The following CTSZ variants were observed in gnomAD, a reference collection of about 807,000 sequenced individuals.
CTSZ encodes carboxypeptidase LB.
CTSZ carries 39 observed loss-of-function variants against 32.4 expected under a neutral mutation model. The ratio of observed to expected loss-of-function variants is 1.20; its 90% CI spans 0.93 to 1.57. CTSZ has a LOEUF of 1.57. Among genes scored for constraint, CTSZ ranks in the 40% most tolerant of loss-of-function variants. CTSZ has a pLI of 0.00. For synonymous variants in CTSZ, 168 were observed against 170.1 expected (o/e 0.99, Z 0.10); for missense variants, 397 against 419.6 (o/e 0.95, Z 0.47).
At chr20:59,000,671 C>T (rs1442659559) in intron 3 of CTSZ, among the ~76,000 whole-genome samples, 1 of 152,074 alleles carries the variant, frequency 6.6e-6, no homozygotes, top group Non-Finnish European at 1.5e-5. Flanking sequence ...ATGAACTCTC[C>T]CTCCACAAGG....
At chr20:59,003,999 G>T (rs1011919486) in intron 2 of CTSZ, among the ~76,000 whole-genome samples, 1 of 152,218 alleles carries the variant, frequency 6.6e-6, no homozygotes, top group Non-Finnish European at 1.5e-5. Flanking sequence ...CCTGGAGGAG[G>T]CGGTGGGCGG....
Position 59,002,864 on chromosome 20 carries a change from C to T in CTSZ, c.308-1220G>A, listed in dbSNP as rs749067178. Among the ~76,000 whole-genome samples, 9 of 152,056 alleles carry T rather than the reference C, an allele frequency of 5.9e-5. No homozygotes were observed. Among genetic ancestry groups the T allele is most frequent in the Admixed American group, 3.9e-4 (6 of 15,272 alleles). On this transcript the variant is annotated intron_variant, in intron 2 of 5. Transcript: ENST00000217131. This position sits in a 1 kb window ranked among gnomAD's most constrained non-coding sequence, Gnocchi z 4.1. ...GGCTCCCTCCAGCTTTCCTTCTCCC[C>T]GCTCCCTTGTCAGCTATGCCCCCTC...
At chr20:58,995,834 C>CCCCTGCT in intron 5 of CTSZ, 75 bp from the exon 6 acceptor site, 1 of 1,337,990 alleles carries the variant, frequency 7.5e-7, no homozygotes, top group Non-Finnish European at 1.1e-6. Flanking sequence ...AGCCCCCTGC[C>CCCCTGCT]CCCTGCTTTC....
chr20:59,000,379 A>T (rs2091883931), intron 3 of CTSZ, among the ~76,000 whole-genome samples: 1 of 152,254 alleles, frequency 6.6e-6, no homozygotes. Context: ...ACTCCCTCTC[A>T]AAAACAAACA....
At position 59,007,139 on chromosome 20, in the gene CTSZ, C is replaced by A; in HGVS notation, c.-11G>T. The A allele has an allele frequency of 7.4e-7, 1 of 1,350,982 alleles. No individual in the cohort carries two copies. The allele number at this position is 1,350,982 out of a possible 1,614,324, so 83.7% of individuals were successfully genotyped here. ...CCCGCGCCTCGCCATGGCCCCGCGC[C>A]GGCTCCTGGGTCCCGCTCCGGATCC... On this transcript the variant is annotated 5_prime_UTR_variant, in exon 1 of 6. Transcript: ENST00000217131.
intron 3 of CTSZ, 50 bp from the exon 4 acceptor site, chr20:58,997,803 A>T: frequency 6.6e-7 from 1 of 1,504,444 alleles, no homozygotes; most frequent in Non-Finnish European, 8.9e-7. Flanking sequence ...TCATCAACCC[A>T]CTGACAAAGA....
intron 1 of CTSZ, 144 bp downstream of exon 1, chr20:59,006,842 A>G (rs2091910423): frequency 2.8e-6 from 2 of 721,520 alleles, no homozygotes; most frequent in Admixed American, 7.9e-5. Flanking sequence ...TGTGGAAGAG[A>G]AGGAGCGACC....
At chr20:58,995,932 C>G (rs2091857488) in intron 5 of CTSZ, among the ~76,000 whole-genome samples, 173 bp from the exon 6 acceptor site, 1 of 152,182 alleles carries the variant, frequency 6.6e-6, no homozygotes, top group African/African-American at 2.4e-5. Context: ...TTCTGAAATA[C>G]CTTTTGTGAA....
In CTSZ at chr20:58,995,722, T is replaced by G. The variant is rs575953808; in HGVS notation, c.839A>C (p.Tyr280Ser). The G allele has an allele frequency of 4.3e-6, 7 of 1,614,178 alleles. No individual in the cohort carries two copies. The South Asian group carries it at 7.7e-5, about 18-fold the overall frequency. ...RGWLRIVTST[Y>S]KDGKGARYNL... ...GTATCTGGCGCCCTTCCCATCCTTA[T>G]AGGTGCTGGTCACGATCCTCAGCCA... The change falls in exon 6 of 6, where the codon TAT (tyrosine) becomes TCT (serine). Residue 280 changes from tyrosine to serine, a missense_variant. By Grantham distance (144) the Tyr-to-Ser change is moderately radical (BLOSUM62 -2). Transcript: ENST00000217131.
chr20:59,003,192 C>T (rs163799), intron 2 of CTSZ, among the ~76,000 whole-genome samples: 61,864 of 152,082 alleles, frequency 0.41, 13,040 homozygotes, highest in East Asian at 0.62. Flanking sequence ...GGCCTGCCCC[C>T]GAGCCCTATC....
chr20:59,001,769 C>T (rs1057508524), intron 2 of CTSZ, 125 bp from the exon 3 acceptor site: 9 of 902,320 alleles, frequency 1.0e-5, no homozygotes, highest in African/African-American at 8.3e-5. Flanking sequence ...CTCTGCCCAG[C>T]TGCCTGTGTC....
At chr20:59,003,042 T>A (rs1278870066) in intron 2 of CTSZ, among the ~76,000 whole-genome samples, 2 of 152,116 alleles carry the variant, frequency 1.3e-5, no homozygotes. Flanking sequence ...GCCCTTTCTC[T>A]CTTGCTAAAG....
intron 5 of CTSZ, among the ~76,000 whole-genome samples, chr20:58,996,027 G>T (rs187318649): frequency 2.1e-4 from 32 of 152,134 alleles, no homozygotes; most frequent in Non-Finnish European, 4.1e-4. Context: ...CTCTAGACTG[G>T]TGCCTCCTCC....
Position 59,002,120 on chromosome 20 carries a change from G to C in CTSZ, c.308-476C>G, listed in dbSNP as rs899800806. Among the ~76,000 whole-genome samples, 12 of 152,258 alleles carry C rather than the reference G, an allele frequency of 7.9e-5. No individual in the cohort carries two copies. The highest frequency in any genetic ancestry group is 2.7e-4 in the African/African-American group (11 of 41,472). On this transcript the variant is annotated intron_variant, in intron 2 of 5. Transcript: ENST00000217131. The surrounding 1 kb of genome is among the most constrained non-coding windows in gnomAD (Gnocchi z 4.1). ...AGCCCAGGGAGCCGCATGAGCCCCAGTGAGGGGCCAGATGCGGTCCTGAGG... is the reference window on the plus strand; with the variant it reads ...AGCCCAGGGAGCCGCATGAGCCCCACTGAGGGGCCAGATGCGGTCCTGAGG...
intron 3 of CTSZ, among the ~76,000 whole-genome samples, chr20:58,999,058 CAG>C (rs1195231948): frequency 6.6e-6 from 1 of 151,590 alleles, no homozygotes; most frequent in Non-Finnish European, 1.5e-5. Flanking sequence ...TTTTTGGAGA[CAG>C]AGTCTCACTC....
At chr20:58,998,059 T>C (rs533260712) in intron 3 of CTSZ, among the ~76,000 whole-genome samples, 2 of 152,240 alleles carry the variant, frequency 1.3e-5, no homozygotes, top group Admixed American at 6.5e-5. Flanking sequence ...CACAATACTT[T>C]CTAGCTGAAA....
intron 4 of CTSZ, 111 bp downstream of exon 4, chr20:58,997,492 C>G: frequency 1.8e-6 from 2 of 1,113,878 alleles, no homozygotes; most frequent in Non-Finnish European, 2.4e-6. Flanking sequence ...CCGACATGAG[C>G]CCACACTGGC....
rs1052611615 is a variant in CTSZ at position 58,996,936 on chromosome 20, C to G, written c.639-135G>C. 14 of 895,660 alleles carry G rather than the reference C, an allele frequency of 1.6e-5. No individual in the cohort carries two copies. The South Asian group carries it at 2.3e-4, about 15-fold the overall frequency. The allele number at this position is 895,660 out of a possible 1,614,324, so 55.5% of individuals were successfully genotyped here. On this transcript the variant is annotated intron_variant, in intron 4 of 5. Transcript: ENST00000217131. ...CTTTGGGAGGCCGAGGCAGGTGGAT[C>G]GCTTGAGTCCAGGAATTCAAGACCA...
chr20:59,001,655 C>T lies in CTSZ; in HGVS notation c.308-11G>A. The stretch of plus-strand genomic sequence containing the variant: ...TGATGTTGATCCGATCTGCAACAGT[C>T]AGCACCTGCCAGTCAGCACTCACCC... On this transcript the variant is annotated splice_polypyrimidine_tract_variant and intron_variant, in intron 2 of 5. Coordinates refer to ENST00000217131, the MANE Select transcript of CTSZ (RefSeq NM_001336.4). 1.2e-6 allele frequency: 2 copies of T among 1,609,588 alleles called. No homozygotes were observed. Among genetic ancestry groups the T allele is most frequent in the Non-Finnish European group, 1.7e-6 (2 of 1,177,042 alleles).
Sources: gnomAD v4.1 joint callset for allele counts (sites outside exome capture counted in the v4.1 genomes callset) on GRCh38, gnomAD v4.1.1 for gene constraint, Gnocchi (gnomAD v3.1) non-coding constraint, MANE v1.5 for transcripts, NCBI Gene and HGNC (gene_info 2026-07-23, HGNC 2026-07-21) for gene names.